Variants in PCDHGA2 observed in about 807,000 individuals in gnomAD.
The protein encoded by PCDHGA2 is protocadherin gamma-A2.
A neutral mutation model predicts 59.2 loss-of-function variants in PCDHGA2; 40 were observed. The observed-to-expected ratio is 0.68, with a 90% confidence interval of 0.52 to 0.88. The LOEUF is 0.88. Ranked by LOEUF, PCDHGA2 falls within the 40% of genes least tolerant of loss-of-function variation. The pLI is 0.00. For missense variants in PCDHGA2, 1,226 were observed against 1,204.0 expected, an observed-to-expected ratio of 1.02 and a Z score of -0.27; for synonymous variants, 560 against 526.0, an observed-to-expected ratio of 1.06 and a Z score of -0.89.
At chr5:141,433,056 G>A (rs1422450948) in intron 1 of PCDHGA2, 1 of 1,614,204 alleles carries the variant, frequency 6.2e-7, no homozygotes, top group South Asian at 1.1e-5. Context: ...TCGCGGAAGA[G>A]TCACCTGATC....
intron 1 of PCDHGA2, chr5:141,422,123 C>A: frequency 6.2e-7 from 1 of 1,601,290 alleles, no homozygotes; most frequent in South Asian, 1.1e-5. Context: ...GATTCACAAA[C>A]TGGAGAAGTT....
At chr5:141,377,699 G>A (rs895371425) in intron 1 of PCDHGA2, 1 of 151,992 alleles carries the variant, frequency 6.6e-6, no homozygotes, top group Non-Finnish European at 1.5e-5. Context: ...TTACTACTTA[G>A]GAATCAAAAA....
intron 1 of PCDHGA2, chr5:141,357,163 T>TCGGCCA: frequency 6.2e-7 from 1 of 1,613,606 alleles, no homozygotes; most frequent in Non-Finnish European, 8.5e-7. Flanking sequence ...GCCCCCTCTC[T>TCGGCCA]CGGCCACCGT....
intron 1 of PCDHGA2, among the ~76,000 whole-genome samples, chr5:141,458,065 GA>G (rs541812590): frequency 3.5e-3 from 534 of 152,242 alleles, no homozygotes; most frequent in Middle Eastern, 6.8e-3. Context: ...GCACTGATGC[GA>G]ACAACTATAT....
intron 1 of PCDHGA2, chr5:141,417,647 C>T: frequency 2.5e-6 from 2 of 812,384 alleles, no homozygotes; most frequent in Non-Finnish European, 3.7e-6. Context: ...ATCCCTCAGC[C>T]TCTAGCCTGG....
At chr5:141,387,676 G>A (rs1218377613) in intron 1 of PCDHGA2, 7 of 732,116 alleles carry the variant, frequency 9.6e-6, no homozygotes, top group Non-Finnish European at 1.5e-5. Flanking sequence ...AGATCTCCTC[G>A]CGCAGCCGCA....
intron 1 of PCDHGA2, chr5:141,383,459 A>G: frequency 6.2e-7 from 1 of 1,613,900 alleles, no homozygotes; most frequent in Non-Finnish European, 8.5e-7. Context: ...AGTGGAGACG[A>G]TGAAACTAAG....
Position 141,489,111 on chromosome 5 carries a change from C to T in PCDHGA2, c.2425-5696C>T. The T allele has an allele frequency of 1.9e-6, 1 of 518,040 alleles. No individual in the cohort carries two copies. Among genetic ancestry groups the T allele is most frequent in the African/African-American group, 1.9e-5 (1 of 51,336 alleles). The allele number at this position is 518,040 out of a possible 1,614,324, so 32.1% of individuals were successfully genotyped here. ...GTGACTAAGAACTGCTGCAAGCAGG[C>T]AAACCTCCGAGCAGTTTTTAAGAGG... On this transcript the variant is annotated intron_variant, in intron 1 of 3. Transcript: ENST00000394576. This position sits in a 1 kb window ranked among gnomAD's most constrained non-coding sequence, Gnocchi z 4.5.
chr5:141,399,751 G>A (rs564705346), intron 1 of PCDHGA2: 3 of 1,613,322 alleles, frequency 1.9e-6, no homozygotes, highest in Admixed American at 3.3e-5. Context: ...CAGCGCAAAC[G>A]TGAGCCTGCG....
intron 1 of PCDHGA2, chr5:141,399,412 T>A: frequency 6.2e-7 from 1 of 1,613,948 alleles, no homozygotes; most frequent in Non-Finnish European, 8.5e-7. Flanking sequence ...GCCGCCCCTC[T>A]CCTCCAGCAT....
In PCDHGA2 at chr5:141,408,415, G is replaced by A. The variant is rs554066897; in HGVS notation, c.2424+67020G>A. The A allele has an allele frequency of 1.8e-5, 29 of 1,614,074 alleles. 1 individual carries two copies. In the South Asian group the frequency reaches 2.9e-4, roughly 16 times the overall value. On this transcript the variant is annotated intron_variant, in intron 1 of 3. Coordinates refer to ENST00000394576, the MANE Select transcript of PCDHGA2 (RefSeq NM_018915.4). Reference sequence around the variant, plus strand: ...CTCGCAAGCTGCGAGTGAGCGCGGAGAAGCTGCACTTCAGCGTAGACGCGG... The same window carrying A: ...CTCGCAAGCTGCGAGTGAGCGCGGAAAAGCTGCACTTCAGCGTAGACGCGG...
At chr5:141,470,236 T>C (rs1232874196) in intron 1 of PCDHGA2, among the ~76,000 whole-genome samples, 1 of 152,210 alleles carries the variant, frequency 6.6e-6, no homozygotes, top group African/African-American at 2.4e-5. Context: ...ACCAAACCCT[T>C]GAATGTCCCA....
intron 1 of PCDHGA2, among the ~76,000 whole-genome samples, chr5:141,484,321 G>A (rs2099594762): frequency 6.6e-6 from 1 of 152,124 alleles, no homozygotes; most frequent in Non-Finnish European, 1.5e-5. Flanking sequence ...CTTCCATACT[G>A]TCCTTGAAAT....
At chr5:141,472,017 T>C (rs2154571143) in intron 1 of PCDHGA2, among the ~76,000 whole-genome samples, 1 of 152,290 alleles carries the variant, frequency 6.6e-6, no homozygotes, top group South Asian at 2.1e-4. Context: ...GGGCACTATA[T>C]TGTATGTAGA....
At chr5:141,458,921 C>T (rs1471065767) in intron 1 of PCDHGA2, among the ~76,000 whole-genome samples, 1 of 151,960 alleles carries the variant, frequency 6.6e-6, no homozygotes, top group East Asian at 1.9e-4. Flanking sequence ...TTTGTGGAGA[C>T]GGGGTCTCAC....
At chr5:141,375,610 C>G in intron 1 of PCDHGA2, 1 of 1,614,224 alleles carries the variant, frequency 6.2e-7, no homozygotes, top group Non-Finnish European at 8.5e-7. Context: ...CCATCAACTC[C>G]GACACTGGGA....
intron 1 of PCDHGA2, chr5:141,422,687 T>C: frequency 6.2e-7 from 1 of 1,604,936 alleles, no homozygotes; most frequent in Non-Finnish European, 8.5e-7. Flanking sequence ...CAGAATGCCC[T>C]GGTCACTTAC....
chr5:141,347,778 C>G (rs1328271855), intron 1 of PCDHGA2, among the ~76,000 whole-genome samples: 3 of 149,542 alleles, frequency 2.0e-5, no homozygotes, highest in African/African-American at 7.4e-5. Flanking sequence ...TAGAGAGAGA[C>G]TCCATCTCAA....
chr5:141,425,394 G>T (rs186813737), intron 1 of PCDHGA2, among the ~76,000 whole-genome samples: 10 of 152,302 alleles, frequency 6.6e-5, no homozygotes, highest in African/African-American at 2.4e-4. Context: ...TAGTGATAAA[G>T]TTCTGTTAAG....
Sources: gnomAD v4.1 joint callset for allele counts (sites outside exome capture counted in the v4.1 genomes callset) on GRCh38, gnomAD v4.1.1 for gene constraint, Gnocchi (gnomAD v3.1) non-coding constraint, MANE v1.5 for transcripts, NCBI Gene and HGNC (gene_info 2026-07-23, HGNC 2026-07-21) for gene names.